The following SHTN1 variants were observed in gnomAD, a reference collection of about 807,000 sequenced individuals.
SHTN1 encodes the protein shootin 1, also known as shootin-1.
In SHTN1, 42 loss-of-function variants were observed where a neutral mutation model predicts 83.1. The ratio of observed to expected loss-of-function variants is 0.51; its 90% CI spans 0.39 to 0.65. The LOEUF (loss-of-function observed/expected upper bound fraction) is 0.65. Ranked by LOEUF, SHTN1 falls within the 30% of genes least tolerant of loss-of-function variation. The probability of loss-of-function intolerance (pLI) is 0.00; values close to 1 mark genes in which losing one functional copy is unlikely to be tolerated. For synonymous variants in SHTN1, 224 were observed against 247.7 expected (o/e 0.90, Z 0.90); for missense variants, 622 against 737.8 (o/e 0.84, Z 1.82).
At chr10:116,924,126 T>C (rs1156282025) in intron 11 of SHTN1, among the ~76,000 whole-genome samples, 4 of 152,330 alleles carry the variant, frequency 2.6e-5, no homozygotes, top group Middle Eastern at 3.4e-3. Flanking sequence ...AAATTCTAAT[T>C]TACACAGAAC....
At chr10:116,993,320 T>C (rs554273834) in intron 1 of SHTN1, among the ~76,000 whole-genome samples, 107 of 152,166 alleles carry the variant, frequency 7.0e-4, no homozygotes, top group African/African-American at 1.8e-3. Flanking sequence ...CTGGCCTGTA[T>C]ACATGTTTTC....
At chr10:116,992,430 C>A (rs1309908293) in intron 1 of SHTN1, among the ~76,000 whole-genome samples, 1 of 152,192 alleles carries the variant, frequency 6.6e-6, no homozygotes, top group Non-Finnish European at 1.5e-5. Flanking sequence ...CTAACTAACC[C>A]CAAATCTCAC....
In SHTN1 at chr10:117,024,107, T is replaced by TGAA. The variant is rs397696054; in HGVS notation, c.-123+24337_-123+24338insTTC. 8.9e-5 allele frequency among the ~76,000 whole-genome samples: 13 copies of TGAA among 146,598 alleles called. No individual in the cohort carries two copies. In the South Asian group the frequency reaches 1.1e-3, roughly 13 times the overall value. On this transcript the variant is annotated intron_variant, in intron 2 of 17. Transcript: ENST00000392901. ...TATTGCTGTGGTCAGGCACTCTGAA[T>TGAA]TTTTTTAAAAATTATGCTGAATGGA...
chr10:117,065,727 T>TGAAAGAAAAGAAA lies in SHTN1; in HGVS notation c.-188-17218_-188-17217insTTTCTTTTCTTTC, dbSNP rs1852969616. ...AGCGAGAGAGAGAGAGAGAGAGAGA[T>TGAAAGAAAAGAAA]GAAAGAAAGAAAGAAAGAAAGAAAG... On this transcript the variant is annotated intron_variant, in intron 1 of 17. Coordinates refer to the SHTN1 transcript ENST00000392901. Among the ~76,000 whole-genome samples the TGAAAGAAAAGAAA allele has an allele frequency of 4.2e-4, 5 of 12,010 alleles. 1 individual carries two copies. Among genetic ancestry groups the TGAAAGAAAAGAAA allele is most frequent in the African/African-American group, 8.9e-4 (5 of 5,630 alleles). The allele number at this position is 12,010 out of a possible 152,430, so 7.9% of individuals were successfully genotyped here.
intron 1 of SHTN1, among the ~76,000 whole-genome samples, chr10:117,067,075 C>A (rs10787752): frequency 0.98 from 149,724 of 152,330 alleles, 73,627 homozygotes; most frequent in Middle Eastern, 1. Context: ...AGCATTCTGC[C>A]TAGAAGGGGC....
intron 1 of SHTN1, among the ~76,000 whole-genome samples, chr10:117,118,615 C>G (rs1853883627): frequency 6.6e-6 from 1 of 152,154 alleles, no homozygotes; most frequent in African/African-American, 2.4e-5. Flanking sequence ...TTTATTGCAG[C>G]ACTATTCAAA....
chr10:117,061,551 C>G (rs979316450), intron 1 of SHTN1, among the ~76,000 whole-genome samples: 2 of 151,786 alleles, frequency 1.3e-5, no homozygotes, highest in African/African-American at 4.8e-5. Flanking sequence ...CTCACTGCAA[C>G]CTCCACCTCC....
Position 117,000,521 on chromosome 10 carries a change from C to T in SHTN1, c.58+4501G>A, listed in dbSNP as rs891594250. On this transcript the variant is annotated intron_variant, in intron 1 of 16. Coordinates refer to ENST00000355371, the MANE Select transcript of SHTN1 (RefSeq NM_001127211.3). ...AAATCCATTTTAAATACTGTTAGCC[C>T]AAAAATTGCCCATTATTGGGGTGGT... Among the ~76,000 whole-genome samples, 6 of 152,184 alleles carry T rather than the reference C, an allele frequency of 3.9e-5. No homozygotes were observed. In the East Asian group the frequency reaches 9.7e-4, roughly 24 times the overall value.
chr10:117,074,317 G>A (rs1291752692), intron 1 of SHTN1, among the ~76,000 whole-genome samples: 3 of 152,088 alleles, frequency 2.0e-5, no homozygotes, highest in Non-Finnish European at 4.4e-5. Context: ...AACGTTTCAT[G>A]TTTAATAACA....
rs1369275859 is a variant in SHTN1, at chr10:116,901,946, T to C, written c.1492A>G (p.Ile498Val). Reference sequence around the variant, plus strand: ...GATTTGGACTCTGAGGTGGCTAATATCCCAGTTGGACCTTAAAACCAAACA... The same window carrying C: ...GATTTGGACTCTGAGGTGGCTAATACCCCAGTTGGACCTTAAAACCAAACA... ...AEADSSSPTG[I>V]LATSESKSMP... The change falls in exon 16 of 17, where the codon ATA (isoleucine) becomes GTA (valine). Residue 498 changes from isoleucine to valine, a missense_variant. Ile to Val is a conservative substitution (Grantham distance 29, BLOSUM62 3). Coordinates refer to ENST00000355371, the MANE Select transcript of SHTN1 (RefSeq NM_001127211.3). The C allele has an allele frequency of 1.9e-6, 3 of 1,599,716 alleles. No individual in the cohort carries two copies. The highest frequency in any genetic ancestry group is 2.3e-5 in the South Asian group (2 of 88,120).
chr10:116,966,477 A>C (rs1850401577), intron 3 of SHTN1, among the ~76,000 whole-genome samples: 1 of 152,230 alleles, frequency 6.6e-6, no homozygotes, highest in South Asian at 2.1e-4. Context: ...GCATACAACC[A>C]TACAGATTGT....
At chr10:116,987,579 T>C (rs1851261211) in intron 1 of SHTN1, among the ~76,000 whole-genome samples, 1 of 152,196 alleles carries the variant, frequency 6.6e-6, no homozygotes, top group Non-Finnish European at 1.5e-5. Flanking sequence ...ATGATTCCAA[T>C]TATATGACAT....
chr10:117,027,972 T>C (rs1009470626), intron 2 of SHTN1, among the ~76,000 whole-genome samples: 1 of 152,144 alleles, frequency 6.6e-6, no homozygotes, highest in Non-Finnish European at 1.5e-5. Flanking sequence ...GAGGGAATGT[T>C]TGCAACTTCC....
Position 117,005,014 on chromosome 10 carries a change from C to G in SHTN1, c.58+8G>C. On this transcript the variant is annotated splice_region_variant and intron_variant, in intron 1 of 16. Coordinates refer to ENST00000355371, the MANE Select transcript of SHTN1 (RefSeq NM_001127211.3). ...GCTGCCCACACCTGGCGCCCGCGTG[C>G]TGCCTACCTTGCTCCTTCAGACTGG... The G allele has an allele frequency of 6.3e-7, 1 of 1,590,822 alleles. No individual in the cohort carries two copies. The highest frequency in any genetic ancestry group is 8.6e-7 in the Non-Finnish European group (1 of 1,169,170).
In SHTN1 at chr10:116,885,226, C is replaced by A. The variant is rs1037848774; in HGVS notation, c.*1118G>T. The A allele has an allele frequency of 2.0e-5, 3 of 152,598 alleles. No individual in the cohort carries two copies. The highest frequency in any genetic ancestry group is 4.4e-5 in the Non-Finnish European group (3 of 68,040). 9.5% of individuals were successfully genotyped at this position (152,598 alleles called of 1,614,324 possible). A position where few individuals can be genotyped will look rare whatever the true frequency, so the allele number is the denominator to read the frequency against. ...GCTGAGCCATGCTAACAAAACTAAA[C>A]CTTTCACTTTCTTTAATAGTAAAAT... is the stretch of plus-strand genomic sequence containing the variant. On this transcript the variant is annotated 3_prime_UTR_variant, in exon 17 of 17. Coordinates refer to ENST00000355371, the MANE Select transcript of SHTN1 (RefSeq NM_001127211.3).
Position 116,909,925 on chromosome 10 carries a change from A to G in SHTN1, c.1359+1865T>C, listed in dbSNP as rs112992658. Among the ~76,000 whole-genome samples the G allele has an allele frequency of 6.1e-3, 924 of 152,244 alleles. 11 individuals carry two copies. Among genetic ancestry groups the G allele is most frequent in the African/African-American group, 0.021 (883 of 41,538 alleles). ...TACCAGTGCTTGTGTTTTTCAGTAC[A>G]CAACTGCAGGCTTTTCGTGTTCCAT... On this transcript the variant is annotated intron_variant, in intron 14 of 16. Coordinates refer to ENST00000355371, the MANE Select transcript of SHTN1 (RefSeq NM_001127211.3).
At chr10:116,973,527 C>T (rs1379658627) in intron 2 of SHTN1, among the ~76,000 whole-genome samples, 1 of 152,164 alleles carries the variant, frequency 6.6e-6, no homozygotes, top group Non-Finnish European at 1.5e-5. Context: ...GCCCACACAG[C>T]CCAGCCACTA....
At chr10:116,915,639 C>T (rs150758038) in intron 12 of SHTN1, among the ~76,000 whole-genome samples, 155 bp from the exon 13 acceptor site, 1 of 152,156 alleles carries the variant, frequency 6.6e-6, no homozygotes, top group Non-Finnish European at 1.5e-5. Context: ...TAACAGCTAT[C>T]AGGTAGCAAC....
chr10:116,956,329 C>T (rs1355691606), intron 4 of SHTN1, among the ~76,000 whole-genome samples: 2 of 152,172 alleles, frequency 1.3e-5, no homozygotes, highest in Middle Eastern at 3.2e-3. Context: ...AGTATACAAC[C>T]CAGCTCTGCA....
Sources: gnomAD v4.1 joint callset for allele counts (sites outside exome capture counted in the v4.1 genomes callset) on GRCh38, gnomAD v4.1.1 for gene constraint, MANE v1.5 for transcripts, NCBI Gene and HGNC (gene_info 2026-07-23, HGNC 2026-07-21) for gene names.